The following SNTG1 variants were observed in gnomAD, a reference collection of about 807,000 sequenced individuals.
SNTG1 encodes syntrophin gamma 1.
In SNTG1, 39 loss-of-function variants were observed where a neutral mutation model predicts 74.7. That is an observed-to-expected ratio of 0.52 (90% CI 0.40 to 0.68). The LOEUF is 0.68. Among genes scored for constraint, SNTG1 ranks in the 30% least tolerant of loss-of-function variants. The pLI is 0.00. For synonymous variants in SNTG1, 254 were observed against 217.1 expected (o/e 1.17, Z -1.49); for missense variants, 685 against 609.5 (o/e 1.12, Z -1.30).
intron 2 of SNTG1, among the ~76,000 whole-genome samples, chr8:50,318,802 A>G (rs2090413735): frequency 6.6e-6 from 1 of 152,202 alleles, no homozygotes; most frequent in South Asian, 2.1e-4. Flanking sequence ...AAAATAATAC[A>G]TGCACATCCA....
At chr8:50,190,033 T>A (rs955462952) in intron 2 of SNTG1, among the ~76,000 whole-genome samples, 2 of 152,176 alleles carry the variant, frequency 1.3e-5, no homozygotes, top group South Asian at 4.1e-4. Flanking sequence ...TGTTGATTAC[T>A]CATAAGTCAT....
intron 12 of SNTG1, among the ~76,000 whole-genome samples, chr8:50,557,280 T>A (rs564980287): frequency 6.7e-6 from 1 of 149,868 alleles, no homozygotes; most frequent in Admixed American, 6.6e-5. Context: ...ACTCCTGACA[T>A]ACAGAGATTA....
At chr8:50,195,971 T>A (rs547560018) in intron 2 of SNTG1, among the ~76,000 whole-genome samples, 15 of 152,268 alleles carry the variant, frequency 9.9e-5, no homozygotes, top group African/African-American at 3.1e-4. Context: ...GAGATGAGAT[T>A]TTAATATCAA....
chr8:50,269,634 T>C (rs1366443806), intron 2 of SNTG1, among the ~76,000 whole-genome samples: 2 of 152,192 alleles, frequency 1.3e-5, no homozygotes, highest in African/African-American at 4.8e-5. Flanking sequence ...CATTGGTACA[T>C]ACAACCCAGC....
At chr8:50,087,116 G>A (rs1822962633) in intron 1 of SNTG1, among the ~76,000 whole-genome samples, 1 of 152,024 alleles carries the variant, frequency 6.6e-6, no homozygotes, top group African/African-American at 2.4e-5. Context: ...TGAAATAAGT[G>A]AGAGATTATC....
chr8:50,491,089 G>A (rs1256141830), intron 8 of SNTG1: 3 of 152,464 alleles, frequency 2.0e-5, no homozygotes, highest in Non-Finnish European at 2.9e-5. Context: ...ACGTGACACA[G>A]ATGTCCTTGG....
intron 2 of SNTG1, among the ~76,000 whole-genome samples, chr8:50,276,720 G>A (rs1015340928): frequency 2.2e-4 from 33 of 152,114 alleles, no homozygotes; most frequent in South Asian, 4.2e-4. Context: ...TATACATAAA[G>A]CTCTAGAATA....
At chr8:50,086,401 A>G (rs1380220558) in intron 1 of SNTG1, among the ~76,000 whole-genome samples, 1 of 152,198 alleles carries the variant, frequency 6.6e-6, no homozygotes, top group Non-Finnish European at 1.5e-5. Context: ...TTAATTTAGA[A>G]AAATGGAATC....
intron 2 of SNTG1, among the ~76,000 whole-genome samples, chr8:50,215,328 G>A (rs2084728142): frequency 6.7e-6 from 1 of 150,088 alleles, no homozygotes; most frequent in African/African-American, 2.4e-5. Flanking sequence ...TTTTAATATT[G>A]GATACCTCAG....
chr8:50,634,098 C>A (rs1007093519), intron 13 of SNTG1, among the ~76,000 whole-genome samples: 2 of 152,190 alleles, frequency 1.3e-5, no homozygotes, highest in African/African-American at 2.4e-5. Context: ...CCAGCCTCAG[C>A]ACCCACCATG....
chr8:50,498,990 T>C (rs1052106482), intron 8 of SNTG1, among the ~76,000 whole-genome samples: 1 of 151,768 alleles, frequency 6.6e-6, no homozygotes, highest in African/African-American at 2.4e-5. Context: ...TCTATCTTTT[T>C]GATAACACAA....
chr8:50,223,878 G>A (rs761068197), intron 2 of SNTG1, among the ~76,000 whole-genome samples: 12 of 151,912 alleles, frequency 7.9e-5, no homozygotes, highest in East Asian at 1.9e-4. Flanking sequence ...TAACCCTAAA[G>A]TATAAGGAAT....
chr8:50,491,588 C>T (rs1483531026), intron 8 of SNTG1: 4 of 152,206 alleles, frequency 2.6e-5, no homozygotes, highest in Non-Finnish European at 4.4e-5. Flanking sequence ...GGAGTACGTG[C>T]GCAGCAGGCA....
chr8:50,764,417 C>A (rs2095608312), intron 18 of SNTG1, among the ~76,000 whole-genome samples: 1 of 151,784 alleles, frequency 6.6e-6, no homozygotes, highest in African/African-American at 2.4e-5. Context: ...AAAACAACTT[C>A]AAAGTACAAA....
At chr8:50,619,238 A>T (rs1161838951) in intron 13 of SNTG1, among the ~76,000 whole-genome samples, 1 of 149,814 alleles carries the variant, frequency 6.7e-6, no homozygotes, top group Non-Finnish European at 1.5e-5. Flanking sequence ...AATAGATTTT[A>T]TTTTAAGTAT....
At chr8:50,597,105 T>C (rs984868878) in intron 13 of SNTG1, among the ~76,000 whole-genome samples, 3 of 151,844 alleles carry the variant, frequency 2.0e-5, no homozygotes, top group African/African-American at 7.2e-5. Flanking sequence ...ACCACTATTG[T>C]ACTCTCTACT....
At position 50,734,773 on chromosome 8, in the gene SNTG1, A is replaced by G. The variant is rs564140050; in HGVS notation, c.1285-17228A>G. Among the ~76,000 whole-genome samples the G allele has an allele frequency of 5.9e-4, 60 of 101,282 alleles. 1 individual carries two copies. Among genetic ancestry groups the G allele is most frequent in the African/African-American group, 3.0e-3 (44 of 14,468 alleles). 66.4% of individuals were successfully genotyped at this position (101,282 alleles called of 152,430 possible). The stretch of plus-strand genomic sequence containing the variant: ...TATAGATATCTATATATATGGACAT[A>G]TATATAGATATCTATATATATGGAC... On this transcript the variant is annotated intron_variant, in intron 17 of 18. Transcript: ENST00000642720.
intron 13 of SNTG1, among the ~76,000 whole-genome samples, chr8:50,641,226 T>C (rs1171623956): frequency 6.6e-6 from 1 of 152,166 alleles, no homozygotes; most frequent in Non-Finnish European, 1.5e-5. Context: ...GTCTATTCTC[T>C]CCATTTCTTT....
At chr8:50,291,456 G>T (rs2089103600) in intron 2 of SNTG1, among the ~76,000 whole-genome samples, 1 of 152,064 alleles carries the variant, frequency 6.6e-6, no homozygotes, top group Non-Finnish European at 1.5e-5. Flanking sequence ...GGAGGAAAAA[G>T]CTTGTGCACG....
Sources: gnomAD v4.1 joint callset for allele counts (sites outside exome capture counted in the v4.1 genomes callset) on GRCh38, gnomAD v4.1.1 for gene constraint, MANE v1.5 for transcripts, NCBI Gene and HGNC (gene_info 2026-07-23, HGNC 2026-07-21) for gene names.